The following PCTP variants were observed in gnomAD, a reference collection of about 807,000 sequenced individuals.
PCTP encodes START domain-containing protein 2.
A neutral mutation model predicts 31.0 loss-of-function variants in PCTP; 27 were observed. That is an observed-to-expected ratio of 0.87 (90% confidence interval 0.64 to 1.20). PCTP has a LOEUF of 1.20. Among genes scored for constraint, PCTP ranks in the 50% most tolerant of loss-of-function variants. The pLI is 0.00. For missense variants in PCTP, 287 were observed against 268.2 expected, an observed-to-expected ratio of 1.07 and a Z score of -0.49; for synonymous variants, 108 against 101.2, an observed-to-expected ratio of 1.07 and a Z score of -0.40.
At chr17:55,802,141 A>G (rs1460296143) in intron 3 of PCTP, among the ~76,000 whole-genome samples, 1 of 152,228 alleles carries the variant, frequency 6.6e-6, no homozygotes, top group African/African-American at 2.4e-5. Flanking sequence ...TCCTGGACAC[A>G]TACACACTCC....
chr17:55,801,563 C>G (rs1454821936), intron 3 of PCTP, among the ~76,000 whole-genome samples: 6 of 152,164 alleles, frequency 3.9e-5, no homozygotes, highest in African/African-American at 1.2e-4. Flanking sequence ...AAGAAACTCA[C>G]TCAAAAGCAC....
At chr17:55,809,398 A>G (rs1397846793) in intron 3 of PCTP, among the ~76,000 whole-genome samples, 1 of 152,106 alleles carries the variant, frequency 6.6e-6, no homozygotes, top group Non-Finnish European at 1.5e-5. Context: ...ATAGGGAGGG[A>G]TGCTTAGAAA....
chr17:55,811,844 G>T (rs1269162754), intron 3 of PCTP, among the ~76,000 whole-genome samples: 1 of 152,172 alleles, frequency 6.6e-6, no homozygotes, highest in Non-Finnish European at 1.5e-5. Flanking sequence ...GGTTTTTGCT[G>T]GAAGTGACCT....
chr17:55,770,733 G>A, intron 2 of PCTP: 1 of 127,084 alleles, frequency 7.9e-6, no homozygotes, highest in Non-Finnish European at 1.6e-5. Flanking sequence ...TTTTTTTCTT[G>A]AGACATGGTG....
At chr17:55,814,225 G>A (rs1333683267) in intron 3 of PCTP, among the ~76,000 whole-genome samples, 10 of 152,092 alleles carry the variant, frequency 6.6e-5, no homozygotes. Context: ...TGAAAATGAA[G>A]GGACATGCAC....
At chr17:55,804,265 G>A (rs918410793) in intron 3 of PCTP, among the ~76,000 whole-genome samples, 1 of 152,188 alleles carries the variant, frequency 6.6e-6, no homozygotes, top group Admixed American at 6.5e-5. Context: ...CACTGTTGAT[G>A]GGAGTGTAAA....
At chr17:55,835,040 C>A (rs989337336) in intron 5 of PCTP, among the ~76,000 whole-genome samples, 1 of 152,046 alleles carries the variant, frequency 6.6e-6, no homozygotes, top group Non-Finnish European at 1.5e-5. Flanking sequence ...GACACAGATG[C>A]GGAGACACAG....
At chr17:55,821,229 A>G (rs1014337314) in intron 3 of PCTP, among the ~76,000 whole-genome samples, 14 of 152,238 alleles carry the variant, frequency 9.2e-5, no homozygotes, top group Non-Finnish European at 1.5e-5. Context: ...GATACATGGT[A>G]CAACATGGAG....
intron 3 of PCTP, 51 bp from the exon 4 acceptor site, chr17:55,773,673 C>T (rs1339803015): frequency 1.3e-6 from 2 of 1,542,516 alleles, no homozygotes; most frequent in Non-Finnish European, 1.8e-6. Flanking sequence ...CGCTTTCCTT[C>T]TGTCTGTCTA....
At chr17:55,771,063 A>G (rs772896683) in intron 2 of PCTP, 43 bp from the exon 3 acceptor site, 1 of 1,488,856 alleles carries the variant, frequency 6.7e-7, no homozygotes, top group Non-Finnish European at 9.4e-7. Flanking sequence ...AGTTGTAGCT[A>G]AAAAGGCTTC....
intron 5 of PCTP, among the ~76,000 whole-genome samples, chr17:55,829,984 C>T (rs1001442209): frequency 2.2e-4 from 34 of 152,282 alleles, no homozygotes; most frequent in African/African-American, 7.5e-4. Context: ...TGTCTCCTAT[C>T]GTCTGTGTTT....
chr17:55,852,288 C>T, the PCTP span, among the ~76,000 whole-genome samples: 1 of 152,076 alleles, frequency 6.6e-6, no homozygotes, highest in South Asian at 2.1e-4. Flanking sequence ...TGAATATAAC[C>T]CTCAAACAAA....
chr17:55,791,994 A>G (rs910519099), intron 3 of PCTP, among the ~76,000 whole-genome samples: 4 of 151,672 alleles, frequency 2.6e-5, no homozygotes, highest in Non-Finnish European at 5.9e-5. Flanking sequence ...TGATGAGTTC[A>G]TGTCCTTTGT....
chr17:55,845,115 A>G (rs2145098690), downstream of PCTP, among the ~76,000 whole-genome samples: 1 of 145,828 alleles, frequency 6.9e-6, no homozygotes, highest in Non-Finnish European at 1.5e-5. Flanking sequence ...AAAAAAAAAG[A>G]CATCTAACAC....
intron 1 of PCTP, among the ~76,000 whole-genome samples, chr17:55,762,452 G>A (rs1910389315): frequency 6.6e-6 from 1 of 151,546 alleles, no homozygotes; most frequent in Admixed American, 6.6e-5. Context: ...AAAAGGTAGG[G>A]GATTTCTTAA....
At chr17:55,806,584 G>A (rs1442154309) in intron 3 of PCTP, among the ~76,000 whole-genome samples, 1 of 152,100 alleles carries the variant, frequency 6.6e-6, no homozygotes, top group Non-Finnish European at 1.5e-5. Context: ...ACCCTAGGAT[G>A]ATGACCCTCC....
At chr17:55,816,711 C>T (rs964283159) in intron 3 of PCTP, among the ~76,000 whole-genome samples, 5 of 152,172 alleles carry the variant, frequency 3.3e-5, no homozygotes, top group East Asian at 1.9e-4. Context: ...AATCAGAAAT[C>T]GATTCCCTAG....
intron 2 of PCTP, chr17:55,770,714 C>CTTTTTTTTTTTTTTT (rs34971113): frequency 7.0e-6 from 1 of 143,048 alleles, no homozygotes. Context: ...AAGAGGTCAT[C>CTTTTTTTTTTTTTTT]TTTTTTTTTT....
intron 5 of PCTP, among the ~76,000 whole-genome samples, chr17:55,835,786 T>G (rs1250478311): frequency 6.6e-6 from 1 of 152,174 alleles, no homozygotes; most frequent in Non-Finnish European, 1.5e-5. Flanking sequence ...ACCAGCAGAT[T>G]GACTAGTAGG....
Sources: gnomAD v4.1 joint callset for allele counts (sites outside exome capture counted in the v4.1 genomes callset) on GRCh38, gnomAD v4.1.1 for gene constraint, MANE v1.5 for transcripts, NCBI Gene and HGNC (gene_info 2026-07-23, HGNC 2026-07-21) for gene names.